PPP6R3: variants seen among roughly 807,000 people sequenced by gnomAD.
PPP6R3 encodes the protein serine/threonine-protein phosphatase 6 regulatory subunit 3.
A neutral mutation model predicts 110.7 loss-of-function variants in PPP6R3; 38 were observed. That is an observed-to-expected ratio of 0.34 (90% CI 0.26 to 0.45). The LOEUF is 0.45. Among genes scored for constraint, PPP6R3 ranks in the 20% least tolerant of loss-of-function variants. The pLI is 1.00. For synonymous variants in PPP6R3, 369 were observed against 373.5 expected, an observed-to-expected ratio of 0.99 and a Z score of 0.14; for missense variants, 870 against 1,062.4, an observed-to-expected ratio of 0.82 and a Z score of 2.52.
At chr11:68,496,638 A>G (rs1224025271) in intron 1 of PPP6R3, among the ~76,000 whole-genome samples, 1 of 151,436 alleles carries the variant, frequency 6.6e-6, no homozygotes, top group Admixed American at 6.6e-5. Context: ...GCATCTGGCT[A>G]ATTTTTGTAT....
chr11:68,525,259 G>A (rs1393616268), intron 2 of PPP6R3, among the ~76,000 whole-genome samples: 6 of 152,198 alleles, frequency 3.9e-5, no homozygotes, highest in Non-Finnish European at 5.9e-5. Flanking sequence ...GAGTCTGGCA[G>A]TATGGTAGGC....
At chr11:68,605,686 A>G (rs1939287036) in intron 22 of PPP6R3, among the ~76,000 whole-genome samples, 1 of 152,248 alleles carries the variant, frequency 6.6e-6, no homozygotes, top group Non-Finnish European at 1.5e-5. Context: ...AAGACAAGCC[A>G]CAACCAGTAA....
In PPP6R3 at chr11:68,576,047, G is replaced by A. The variant is rs569555777; in HGVS notation, c.1545+4G>A. On this transcript the variant is annotated splice_donor_region_variant and intron_variant, in intron 14 of 23. Coordinates refer to ENST00000393800, the MANE Select transcript of PPP6R3 (RefSeq NM_001164161.2). ...CAAGAGGAACACGGTAGATCTAGTA[G>A]GTTTTACAAGGTTACATTTTTATTC... 1.3e-6 allele frequency: 2 copies of A among 1,576,570 alleles called. No homozygotes were observed. The highest frequency in any genetic ancestry group is 2.7e-5 in the African/African-American group (2 of 73,796).
In PPP6R3 at chr11:68,477,739, A is replaced by AT. The variant is rs768026020; in HGVS notation, c.-158+16912_-158+16913insT. ...GAGACATTGTCTCTTAAAAAAAAAAAAAATATATATATATATATATATATA... is the reference window on the plus strand; with the variant it reads ...GAGACATTGTCTCTTAAAAAAAAAAATAAATATATATATATATATATATATA... On this transcript the variant is annotated intron_variant, in intron 1 of 23. Coordinates refer to ENST00000393800, the MANE Select transcript of PPP6R3 (RefSeq NM_001164161.2). Among the ~76,000 whole-genome samples the AT allele has an allele frequency of 4.1e-3, 327 of 80,346 alleles. 1 individual carries two copies. The highest frequency in any genetic ancestry group is 0.016 in the Middle Eastern group (2 of 124). 52.7% of individuals were successfully genotyped at this position (80,346 alleles called of 152,430 possible).
In PPP6R3 at chr11:68,531,129, A is replaced by G. The variant is rs181187576; in HGVS notation, c.-6-6530A>G. The stretch of plus-strand genomic sequence containing the variant: ...CTTTTCCTATGTTTTTCATGGCTGT[A>G]TAGTTATTTTGAATATATGTATTTA... On this transcript the variant is annotated intron_variant, in intron 2 of 23. Transcript: ENST00000393800. 2.3e-4 allele frequency among the ~76,000 whole-genome samples: 35 copies of G among 152,146 alleles called. No homozygotes were observed. In the East Asian group the frequency reaches 6.4e-3, roughly 28 times the overall value.
At chr11:68,532,955 C>G (rs576727948) in intron 2 of PPP6R3, among the ~76,000 whole-genome samples, 1 of 152,322 alleles carries the variant, frequency 6.6e-6, no homozygotes, top group African/African-American at 2.4e-5. Flanking sequence ...ATTTCTCAGT[C>G]TGTATCCCTG....
chr11:68,542,272 C>T, intron 3 of PPP6R3, among the ~76,000 whole-genome samples: 2 of 151,772 alleles, frequency 1.3e-5, no homozygotes. Flanking sequence ...GGCTGGGTTC[C>T]CTTCTGATTG....
Position 68,601,354 on chromosome 11 carries a change from C to A in PPP6R3, c.2193-509C>A, listed in dbSNP as rs112326231. 6.8e-3 allele frequency among the ~76,000 whole-genome samples: 1,036 copies of A among 152,298 alleles called. 2 individuals are homozygous for A. The highest frequency in any genetic ancestry group is 0.014 in the African/African-American group (597 of 41,556). ...GGGATAAAAGAGGAAGTGTAATGAT[C>A]TCCCTCACCCCTACCCCTTACTGCT... On this transcript the variant is annotated intron_variant, in intron 20 of 23. Transcript: ENST00000393800.
chr11:68,511,070 C>CTTT lies in PPP6R3; in HGVS notation c.-157-8418_-157-8416dup, dbSNP rs59968909. ...GTATACTACATTACGACCATGCATA[C>CTTT]TTTTTTTTTTTTTTTGAGGCGGAGT... On this transcript the variant is annotated intron_variant, in intron 1 of 23. Coordinates refer to ENST00000393800, the MANE Select transcript of PPP6R3 (RefSeq NM_001164161.2). Among the ~76,000 whole-genome samples the CTTT allele has an allele frequency of 4.8e-3, 685 of 143,788 alleles. 5 individuals carry two copies. Among genetic ancestry groups the CTTT allele is most frequent in the African/African-American group, 9.6e-3 (375 of 38,998 alleles). 94.3% of individuals were successfully genotyped at this position (143,788 alleles called of 152,430 possible). A position where few individuals can be genotyped will look rare whatever the true frequency, so the allele number is the denominator to read the frequency against.
chr11:68,491,397 T>G (rs2098983438), intron 1 of PPP6R3, among the ~76,000 whole-genome samples: 1 of 151,170 alleles, frequency 6.6e-6, no homozygotes, highest in Admixed American at 6.6e-5. Context: ...AGAGTCTTGC[T>G]CTGTTGCCCA....
At chr11:68,491,327 G>A (rs1051397425) in intron 1 of PPP6R3, among the ~76,000 whole-genome samples, 9 of 120,198 alleles carry the variant, frequency 7.5e-5, no homozygotes, top group African/African-American at 2.7e-4. Context: ...AGTGTCTTCA[G>A]CTGTGTGTGT....
Position 68,477,741 on chromosome 11 carries a change from A to AAATATATATATATATAT in PPP6R3, c.-158+16915_-158+16916insATATATATATATATATA. On this transcript the variant is annotated intron_variant, in intron 1 of 23. Transcript: ENST00000393800. ...GACATTGTCTCTTAAAAAAAAAAAA[A>AAATATATATATATATAT]ATATATATATATATATATATATATA... Among the ~76,000 whole-genome samples, 140 of 57,872 alleles carry AAATATATATATATATAT rather than the reference A, an allele frequency of 2.4e-3. 2 individuals are homozygous for AAATATATATATATATAT. The highest frequency in any genetic ancestry group is 3.7e-3 in the Non-Finnish European group (110 of 30,036). 38.0% of individuals were successfully genotyped at this position (57,872 alleles called of 152,430 possible). A position where few individuals can be genotyped will look rare whatever the true frequency, so the allele number is the denominator to read the frequency against.
intron 19 of PPP6R3, among the ~76,000 whole-genome samples, chr11:68,598,128 C>G (rs2099619763): frequency 6.6e-6 from 1 of 152,218 alleles, no homozygotes; most frequent in Non-Finnish European, 1.5e-5. Context: ...ATTCTACTCT[C>G]TGTTTCTCTG....
chr11:68,546,646 T>A (rs966113248), intron 4 of PPP6R3, among the ~76,000 whole-genome samples: 1 of 152,210 alleles, frequency 6.6e-6, no homozygotes, highest in African/African-American at 2.4e-5. Flanking sequence ...TGTATGCAAC[T>A]GTAAGGACAA....
At chr11:68,562,163 T>C (rs950039965) in intron 8 of PPP6R3, among the ~76,000 whole-genome samples, 4 of 152,106 alleles carry the variant, frequency 2.6e-5, no homozygotes, top group Non-Finnish European at 5.9e-5. Context: ...GAATGAGCAA[T>C]TGGAATTTGA....
chr11:68,564,194 C>T (rs897569899), intron 8 of PPP6R3, 109 bp from the exon 9 acceptor site: 60 of 1,177,628 alleles, frequency 5.1e-5, no homozygotes, highest in African/African-American at 3.4e-4. Context: ...CCTTTTTTCC[C>T]GCAGCCAGAA....
At chr11:68,473,321 G>C (rs1049575317) in intron 1 of PPP6R3, among the ~76,000 whole-genome samples, 8 of 152,140 alleles carry the variant, frequency 5.3e-5, no homozygotes, top group African/African-American at 1.9e-4. Flanking sequence ...GGAAAGACTG[G>C]GTTCTAGAAA....
At chr11:68,492,785 T>C (rs554636198) in intron 1 of PPP6R3, among the ~76,000 whole-genome samples, 2 of 152,358 alleles carry the variant, frequency 1.3e-5, no homozygotes, top group Non-Finnish European at 2.9e-5. Flanking sequence ...TTTGAGTGTT[T>C]ATAGACATGA....
chr11:68,523,656 T>C (rs913927446), intron 2 of PPP6R3, among the ~76,000 whole-genome samples: 6 of 151,612 alleles, frequency 4.0e-5, no homozygotes, highest in Non-Finnish European at 7.4e-5. Context: ...GAGCCACATT[T>C]GTTAAGCTCT....
Sources: allele counts gnomAD v4.1 joint callset (sites outside exome capture counted in the v4.1 genomes callset), GRCh38; gene constraint gnomAD v4.1.1; transcripts MANE v1.5; gene names NCBI Gene and HGNC (gene_info 2026-07-23, HGNC 2026-07-21).